Variants in ANK3 observed in about 807,000 individuals in gnomAD.
The protein encoded by ANK3 is ankyrin 3.
Under a neutral mutation model 370.9 loss-of-function variants are expected in ANK3, and 57 were observed. The observed-to-expected ratio is 0.15, with a 90% CI of 0.12 to 0.19. ANK3 has a LOEUF of 0.19. Among genes scored for constraint, ANK3 ranks in the 10% least tolerant of loss-of-function variants. The pLI is 1.00. For synonymous variants in ANK3, 1,929 were observed against 1,946.3 expected (o/e 0.99, Z 0.23); for missense variants, 4,439 against 5,302.1 (o/e 0.84, Z 5.06).
At chr10:60,404,829 A>G (rs909582511) in intron 2 of ANK3, among the ~76,000 whole-genome samples, 7 of 152,194 alleles carry the variant, frequency 4.6e-5, no homozygotes, top group African/African-American at 1.7e-4. Context: ...TCCAAGGATC[A>G]GTGTCCAGAA....
chr10:60,684,944 T>G (rs1473381539), intron 1 of ANK3: 2 of 1,527,670 alleles, frequency 1.3e-6, no homozygotes, highest in Non-Finnish European at 1.8e-6. Flanking sequence ...CTTTCAGGAA[T>G]TGAGAAATTG....
chr10:60,621,770 AACAAAG>A (rs2133329990), intron 1 of ANK3, among the ~76,000 whole-genome samples: 1 of 152,300 alleles, frequency 6.6e-6, no homozygotes, highest in Non-Finnish European at 1.5e-5. Flanking sequence ...CTCTGTAAAG[AACAAAG>A]ACAAATACTA....
intron 1 of ANK3, among the ~76,000 whole-genome samples, chr10:60,729,133 T>C (rs1431020210): frequency 1.3e-5 from 2 of 152,228 alleles, no homozygotes; most frequent in Admixed American, 6.5e-5. Context: ...AATCTGAATG[T>C]CAGGTCCTTA....
intron 2 of ANK3, among the ~76,000 whole-genome samples, chr10:60,413,648 G>C (rs999531404): frequency 6.6e-6 from 1 of 152,102 alleles, no homozygotes; most frequent in Non-Finnish European, 1.5e-5. Flanking sequence ...CAGAAAAAAA[G>C]GGACTCGAAA....
intron 24 of ANK3, among the ~76,000 whole-genome samples, chr10:60,134,757 C>T (rs1056689284): frequency 1.3e-5 from 2 of 152,116 alleles, no homozygotes; most frequent in East Asian, 1.9e-4. Context: ...ACTTGACATG[C>T]GCTACTGATA....
intron 2 of ANK3, among the ~76,000 whole-genome samples, chr10:60,580,179 A>C (rs942210380): frequency 6.6e-6 from 1 of 152,158 alleles, no homozygotes; most frequent in African/African-American, 2.4e-5. Flanking sequence ...CTATTTTGTA[A>C]ATTTTATTTT....
chr10:60,069,169 A>G lies in ANK3; in HGVS notation c.11712T>C (p.Ser3904=). ...TTCTGGACTTTACATCTACACATGA[A>G]GAAGTAGTAAGGGCTTTGGTTTTCT... ...QSEKTKALTT[S]SCVDVKSRIP... The change falls in exon 37 of 44, where the codon TCT becomes TCC. Residue 3904 remains serine, a synonymous_variant. Coordinates refer to ENST00000280772, the MANE Select transcript of ANK3 (RefSeq NM_020987.5). 1 of 1,614,162 alleles carries G rather than the reference A, an allele frequency of 6.2e-7. No individual in the cohort carries two copies.
chr10:60,100,063 A>G (rs939029563), intron 28 of ANK3, among the ~76,000 whole-genome samples: 1 of 152,014 alleles, frequency 6.6e-6, no homozygotes, highest in African/African-American at 2.4e-5. Flanking sequence ...GTCCTTATTA[A>G]TGCTTATTTG....
At chr10:60,156,475 CTG>C (rs1468227735) in intron 23 of ANK3, among the ~76,000 whole-genome samples, 1 of 152,144 alleles carries the variant, frequency 6.6e-6, no homozygotes, top group Non-Finnish European at 1.5e-5. Flanking sequence ...AGCCCCAGCA[CTG>C]TGCTGGGCTA....
At chr10:60,210,606 A>T (rs1333119314) in intron 9 of ANK3, among the ~76,000 whole-genome samples, 1 of 152,194 alleles carries the variant, frequency 6.6e-6, no homozygotes, top group African/African-American at 2.4e-5. Flanking sequence ...CAGGTGTAAT[A>T]GATATATGTA....
chr10:60,068,244 C>T lies in ANK3; in HGVS notation c.12245-235G>A, dbSNP rs117308976. On this transcript the variant is annotated intron_variant, in intron 37 of 43. Coordinates refer to ENST00000280772, the MANE Select transcript of ANK3 (RefSeq NM_020987.5). Reference sequence around the variant, plus strand: ...AATGTAATGGGATTGAACATGCTGACGAGCTAGCTAGTTTAAACAGTTACA... The same window carrying T: ...AATGTAATGGGATTGAACATGCTGATGAGCTAGCTAGTTTAAACAGTTACA... Among the ~76,000 whole-genome samples the T allele has an allele frequency of 1.8e-4, 28 of 152,222 alleles. No individual in the cohort carries two copies. In the East Asian group the frequency reaches 5.2e-3, roughly 28 times the overall value.
At chr10:60,407,536 A>G (rs1275186221) in intron 2 of ANK3, among the ~76,000 whole-genome samples, 3 of 152,194 alleles carry the variant, frequency 2.0e-5, no homozygotes, top group Non-Finnish European at 4.4e-5. Context: ...GCAATAATAG[A>G]TCCATTTAAT....
intron 38 of ANK3, among the ~76,000 whole-genome samples, chr10:60,066,226 G>A (rs1177564459): frequency 6.6e-6 from 1 of 152,092 alleles, no homozygotes; most frequent in Non-Finnish European, 1.5e-5. Context: ...TTAATAAAGA[G>A]CAAAGACACT....
At chr10:60,433,087 T>C (rs1297285812) in intron 2 of ANK3, among the ~76,000 whole-genome samples, 1 of 152,124 alleles carries the variant, frequency 6.6e-6, no homozygotes. Flanking sequence ...AATCACAGTC[T>C]AAATGGCCAG....
intron 23 of ANK3, among the ~76,000 whole-genome samples, chr10:60,158,227 G>A (rs1832371726): frequency 6.6e-6 from 1 of 152,078 alleles, no homozygotes; most frequent in African/African-American, 2.4e-5. Context: ...ATGCTAAAGG[G>A]AGTTCTTCAG....
chr10:60,395,564 C>CTT (rs763375553), intron 2 of ANK3, among the ~76,000 whole-genome samples: 6 of 101,800 alleles, frequency 5.9e-5, no homozygotes, highest in Admixed American at 5.6e-4. Flanking sequence ...TTCTTTCTTT[C>CTT]TTTCTTTCTT....
In ANK3 at chr10:60,073,293, C is replaced by G. The variant is rs753998251; in HGVS notation, c.7588G>C (p.Val2530Leu). The change falls in exon 37 of 44, where the codon GTG (valine) becomes CTG (leucine). Residue 2530 changes from valine (V) to leucine (L), a missense_variant. Physicochemically the swap from Val to Leu is conservative, Grantham distance 32. This residue lies in a region of ANK3 where 1,601 missense variants were observed against 1,731.7 expected (regional missense o/e 0.92). Transcript: ENST00000280772. ...TTATCAAAATGCTCATCTTTAGACA[C>G]TTTACCTACACCATTTTCAGAAACA... ...KDVSENGVGKVSKDEHFDKVT... is the reference protein window; with the variant it reads ...KDVSENGVGKLSKDEHFDKVT... The G allele has an allele frequency of 6.2e-7, 1 of 1,614,080 alleles. No individual in the cohort carries two copies. Among genetic ancestry groups the G allele is most frequent in the East Asian group, 2.2e-5 (1 of 44,882 alleles).
intron 1 of ANK3, among the ~76,000 whole-genome samples, chr10:60,358,304 T>C (rs1248195042): frequency 1.3e-5 from 2 of 152,220 alleles, no homozygotes; most frequent in Non-Finnish European, 2.9e-5. Flanking sequence ...AAAGCCATTA[T>C]GTAGATAGGG....
At chr10:60,607,374 C>T (rs923762030) in intron 2 of ANK3, among the ~76,000 whole-genome samples, 12 of 152,070 alleles carry the variant, frequency 7.9e-5, no homozygotes, top group Non-Finnish European at 1.5e-4. Flanking sequence ...TTCAGGCTCA[C>T]CCACTTTACC....
Sources: allele counts gnomAD v4.1 joint callset (sites outside exome capture counted in the v4.1 genomes callset), GRCh38; gene constraint gnomAD v4.1.1; regional missense constraint gnomAD v4.1.1; transcripts MANE v1.5; gene names NCBI Gene and HGNC (gene_info 2026-07-23, HGNC 2026-07-21).